Variants in FHIT observed in about 807,000 individuals in gnomAD.
FHIT encodes the protein bis(5'-adenosyl)-triphosphatase.
A neutral mutation model predicts 17.9 loss-of-function variants in FHIT; 19 were observed. That is an observed-to-expected ratio of 1.06 (90% CI 0.74 to 1.56). The LOEUF is 1.56. Among genes scored for constraint, FHIT ranks in the 40% most tolerant of loss-of-function variants. FHIT has a pLI of 0.00. For missense variants in FHIT, 248 were observed against 189.2 expected (o/e 1.31, Z -1.82); for synonymous variants, 81 against 69.7 (o/e 1.16, Z -0.81).
chr3:60,877,156 A>G (rs1704704079), intron 3 of FHIT, among the ~76,000 whole-genome samples: 2 of 152,194 alleles, frequency 1.3e-5, no homozygotes, highest in South Asian at 4.1e-4. Flanking sequence ...TATTCCCTGT[A>G]GCCCACATGG....
At chr3:60,570,275 G>A (rs2037328647) in intron 4 of FHIT, among the ~76,000 whole-genome samples, 1 of 152,168 alleles carries the variant, frequency 6.6e-6, no homozygotes, top group Non-Finnish European at 1.5e-5. Context: ...AAGTGGTGGT[G>A]AGAATAATCA....
At chr3:60,485,498 T>C (rs1045065607) in intron 5 of FHIT, among the ~76,000 whole-genome samples, 2 of 152,172 alleles carry the variant, frequency 1.3e-5, no homozygotes, top group African/African-American at 2.4e-5. Context: ...ATCATGTCCT[T>C]TGCAGGGACA....
intron 2 of FHIT, among the ~76,000 whole-genome samples, chr3:61,134,896 G>A (rs2036869647): frequency 6.6e-6 from 1 of 152,174 alleles, no homozygotes; most frequent in South Asian, 2.1e-4. Flanking sequence ...CAGTGGCTGA[G>A]AGTAGCCTCT....
At chr3:60,952,938 C>T (rs1366534757) in intron 3 of FHIT, among the ~76,000 whole-genome samples, 2 of 152,176 alleles carry the variant, frequency 1.3e-5, no homozygotes, top group African/African-American at 4.8e-5. Flanking sequence ...TATCTCATGT[C>T]ACATAAAACT....
intron 5 of FHIT, among the ~76,000 whole-genome samples, chr3:60,427,620 T>G (rs761707024): frequency 4.6e-5 from 7 of 152,084 alleles, no homozygotes; most frequent in Non-Finnish European, 1.0e-4. Context: ...AACACCTAAA[T>G]GTGGGTTAAT....
At chr3:60,100,055 G>A (rs1031582684) in intron 5 of FHIT, among the ~76,000 whole-genome samples, 1 of 152,114 alleles carries the variant, frequency 6.6e-6, no homozygotes. Context: ...TCTTCACTGT[G>A]AGTGCTGCCC....
At chr3:60,293,887 A>C (rs528130002) in intron 5 of FHIT, among the ~76,000 whole-genome samples, 1 of 152,242 alleles carries the variant, frequency 6.6e-6, no homozygotes, top group Non-Finnish European at 1.5e-5. Context: ...TGGGAGGTAA[A>C]CCAAAATCTT....
intron 2 of FHIT, among the ~76,000 whole-genome samples, chr3:61,167,720 A>G (rs998996264): frequency 3.3e-5 from 5 of 152,016 alleles, no homozygotes; most frequent in African/African-American, 1.2e-4. Context: ...AAAGGAAAAG[A>G]AAAGAAAAAA....
chr3:59,790,508 CTCTCTCTCTCTCTCTCTCTCTG>C (rs1699505094), intron 8 of FHIT, among the ~76,000 whole-genome samples: 1 of 148,582 alleles, frequency 6.7e-6, no homozygotes, highest in Non-Finnish European at 1.5e-5. Flanking sequence ...CTCTCTCTTT[CTCTCTCTCTCTCTCTCTCTCTG>C]TGTGTGTGTG....
intron 5 of FHIT, among the ~76,000 whole-genome samples, chr3:60,428,416 T>TA (rs1490200672): frequency 6.6e-6 from 1 of 152,162 alleles, no homozygotes; most frequent in African/African-American, 2.4e-5. Context: ...TTCTTCTTCC[T>TA]ATATCCCTTT....
chr3:61,240,666 G>A (rs1225342189), intron 1 of FHIT, among the ~76,000 whole-genome samples: 2 of 152,174 alleles, frequency 1.3e-5, no homozygotes, highest in Non-Finnish European at 2.9e-5. Context: ...AAGGTAACAT[G>A]TTATATCTGA....
intron 5 of FHIT, among the ~76,000 whole-genome samples, chr3:60,045,292 A>G (rs893969324): frequency 7.7e-4 from 117 of 152,304 alleles, no homozygotes; most frequent in African/African-American, 2.7e-3. Context: ...CAAAAGAAAG[A>G]GGTTTAATGG....
intron 5 of FHIT, among the ~76,000 whole-genome samples, chr3:60,142,301 G>C (rs542265989): frequency 2.6e-5 from 4 of 152,206 alleles, no homozygotes; most frequent in African/African-American, 9.6e-5. Flanking sequence ...AACTGAATTG[G>C]GTACTGCTCA....
intron 4 of FHIT, among the ~76,000 whole-genome samples, chr3:60,693,486 C>T (rs1416032152): frequency 6.6e-6 from 1 of 152,178 alleles, no homozygotes; most frequent in Admixed American, 6.5e-5. Flanking sequence ...TCTCTACTCA[C>T]CAGCCTCTGA....
chr3:60,794,227 AACTGTTCC>A (rs1291145623), intron 4 of FHIT, among the ~76,000 whole-genome samples: 4 of 152,188 alleles, frequency 2.6e-5, no homozygotes, highest in Non-Finnish European at 5.9e-5. Context: ...CAGATTGGAC[AACTGTTCC>A]ACTGTTCTAC....
At chr3:60,465,222 AT>A (rs917961176) in intron 5 of FHIT, among the ~76,000 whole-genome samples, 4 of 150,992 alleles carry the variant, frequency 2.6e-5, no homozygotes, top group African/African-American at 4.9e-5. Context: ...AGATTATTAG[AT>A]TTTTTTTCCT....
intron 4 of FHIT, among the ~76,000 whole-genome samples, chr3:60,789,135 G>T (rs534441490): frequency 1.5e-4 from 17 of 116,026 alleles, no homozygotes; most frequent in Middle Eastern, 4.3e-3. Flanking sequence ...TGTATATATA[G>T]AGAGAGATGT....
At chr3:60,182,419 T>C (rs73831974) in intron 5 of FHIT, among the ~76,000 whole-genome samples, 1,616 of 152,292 alleles carry the variant, frequency 0.011, 24 homozygotes, top group African/African-American at 0.037. Context: ...GACGCTCTCC[T>C]TCATATTAGG....
At chr3:60,709,715 A>C (rs1235170830) in intron 4 of FHIT, among the ~76,000 whole-genome samples, 1 of 152,202 alleles carries the variant, frequency 6.6e-6, no homozygotes, top group African/African-American at 2.4e-5. Context: ...TATTAGAAAA[A>C]GTCTTTAAGT....
Sources: allele counts gnomAD v4.1 joint callset (sites outside exome capture counted in the v4.1 genomes callset), GRCh38; gene constraint gnomAD v4.1.1; transcripts MANE v1.5; gene names NCBI Gene and HGNC (gene_info 2026-07-23, HGNC 2026-07-21).